The following SLC19A1 variants were observed in gnomAD, a reference collection of about 807,000 sequenced individuals.
SLC19A1 encodes the protein reduced folate transporter.
A neutral mutation model predicts 35.3 loss-of-function variants in SLC19A1; 37 were observed. The observed-to-expected ratio is 1.05, with a 90% CI of 0.81 to 1.38. The LOEUF is 1.38. Ranked by LOEUF, SLC19A1 falls within the 40% of genes most tolerant of loss-of-function variation. SLC19A1 has a pLI of 0.00. For synonymous variants in SLC19A1, 460 were observed against 398.5 expected (o/e 1.15, Z -1.84); for missense variants, 831 against 826.9 (o/e 1.00, Z -0.06).
At position 45,517,597 on chromosome 21, in the gene SLC19A1, G is replaced by C. The variant is rs1236250595; in HGVS notation, c.1294-1457C>G. On this transcript the variant is annotated intron_variant, in intron 5 of 5. Coordinates refer to ENST00000311124, the MANE Select transcript of SLC19A1 (RefSeq NM_194255.4). The surrounding 1 kb of genome is among the most constrained non-coding windows in gnomAD (Gnocchi z 4.4). ...CCCCCGAAGCCTCACGGAGTCAGCA[G>C]AGACCATATGGGGAGCCTGGCCTCT... Among the ~76,000 whole-genome samples, 1 of 152,158 alleles carries C rather than the reference G, an allele frequency of 6.6e-6. No homozygotes were observed. The highest frequency in any genetic ancestry group is 2.4e-5 in the African/African-American group (1 of 41,452).
At chr21:45,509,289 G>T, downstream of SLC19A1, 1 of 1,531,318 alleles carries the variant, frequency 6.5e-7, no homozygotes, top group South Asian at 1.2e-5. Context: ...CCCAGAGGAG[G>T]ACACAGATGG....
Position 45,513,546 on chromosome 21 carries a change from C to CCA in SLC19A1, c.*2111_*2112insTG, listed in dbSNP as rs78063943. The CCA allele has an allele frequency of 0.51, 77,518 of 152,004 alleles. 20,674 individuals are homozygous for CCA. Among genetic ancestry groups the CCA allele is most frequent in the African/African-American group, 0.68 (28,162 of 41,446 alleles). 9.4% of individuals were successfully genotyped at this position (152,004 alleles called of 1,614,324 possible). A position where few individuals can be genotyped will look rare whatever the true frequency, so the allele number is the denominator to read the frequency against. Reference sequence around the variant, plus strand: ...CCCCTGAGATCCGGCAACATCAACCCGAGTCATTCGTTCTGTGGAGGGACA... The same window carrying CCA: ...CCCCTGAGATCCGGCAACATCAACCCCAGAGTCATTCGTTCTGTGGAGGGACA... On this transcript the variant is annotated 3_prime_UTR_variant, in exon 6 of 6. Coordinates refer to ENST00000311124, the MANE Select transcript of SLC19A1 (RefSeq NM_194255.4).
At chr21:45,511,056 ACACCCAT>A, downstream of SLC19A1, 1 of 556,160 alleles carries the variant, frequency 1.8e-6, no homozygotes, top group African/African-American at 3.2e-5. Context: ...ACAAACACCC[ACACCCAT>A]CCACACCCCC....
chr21:45,562,827 A>G (rs2078627399), exon 1 of SLC19A1, among the ~76,000 whole-genome samples: 1 of 152,220 alleles, frequency 6.6e-6, no homozygotes, highest in Non-Finnish European at 1.5e-5. Context: ...TTTACGGTAG[A>G]TTCCAACAGT....
chr21:45,546,446 AGCCCCACTGGG>A (rs1468232924), upstream of SLC19A1, among the ~76,000 whole-genome samples: 1 of 152,158 alleles, frequency 6.6e-6, no homozygotes, highest in Non-Finnish European at 1.5e-5. Context: ...TTGAATTCTG[AGCCCCACTGGG>A]GCCCCGGACA....
In SLC19A1 at chr21:45,537,875, C is replaced by G; in HGVS notation, c.85G>C (p.Val29Leu). The G allele has an allele frequency of 6.2e-7, 1 of 1,604,882 alleles. No homozygotes were observed. The highest frequency in any genetic ancestry group is 8.5e-7 in the Non-Finnish European group (1 of 1,177,606). The change falls in exon 2 of 6, where the codon GTG becomes CTG. Residue 29 changes from valine to leucine, a missense_variant. Coordinates refer to ENST00000311124, the MANE Select transcript of SLC19A1 (RefSeq NM_194255.4). ...AAGCCGTAGAAGCAAAGGTAGCACACGAGGTGCCGCCAGGACCGGAGCTCG... is the reference window on the plus strand; with the variant it reads ...AAGCCGTAGAAGCAAAGGTAGCACAGGAGGTGCCGCCAGGACCGGAGCTCG... Reference protein sequence around the residue: ...DPELRSWRHLVCYLCFYGFMA... With the variant: ...DPELRSWRHLLCYLCFYGFMA...
upstream of SLC19A1, among the ~76,000 whole-genome samples, chr21:45,548,654 G>A (rs1476025672): frequency 1.3e-5 from 2 of 152,148 alleles, no homozygotes; most frequent in Non-Finnish European, 2.9e-5. Flanking sequence ...TGAGGCAGGA[G>A]AATTGCTTGA....
At chr21:45,529,074 G>A (rs936859928) in intron 4 of SLC19A1, among the ~76,000 whole-genome samples, 6 of 152,238 alleles carry the variant, frequency 3.9e-5, no homozygotes, top group South Asian at 2.1e-4. Flanking sequence ...GCAAGATCAC[G>A]CTGGGCCTTC....
At chr21:45,512,210 G>A (rs886057137), downstream of SLC19A1, 1 of 1,612,522 alleles carries the variant, frequency 6.2e-7, no homozygotes, top group Admixed American at 1.7e-5. Context: ...CGTGTGGCAT[G>A]GCTCGGACCC....
At chr21:45,555,187 GGGCGGCGGGGGC>G (rs1569031886) in intron 1 of SLC19A1, among the ~76,000 whole-genome samples, 4 of 41,608 alleles carry the variant, frequency 9.6e-5, no homozygotes, top group South Asian at 2.2e-3. Flanking sequence ...GCGGTGCAGG[GGGCGGCGGGGGC>G]GGCGCAGGGG....
chr21:45,557,812 C>T (rs2078578439), intron 1 of SLC19A1, among the ~76,000 whole-genome samples: 1 of 152,198 alleles, frequency 6.6e-6, no homozygotes, highest in African/African-American at 2.4e-5. Context: ...ACAGCACAGA[C>T]GCAGCCCAGA....
At chr21:45,509,219 C>A, downstream of SLC19A1, 4 of 1,225,694 alleles carry the variant, frequency 3.3e-6, no homozygotes, top group Non-Finnish European at 4.5e-6. Flanking sequence ...CCAGGGCAGC[C>A]CCAGAGTCGG....
intron 5 of SLC19A1, 82 bp downstream of exon 5, chr21:45,525,735 A>T: frequency 1.3e-6 from 2 of 1,510,726 alleles, no homozygotes; most frequent in Non-Finnish European, 1.8e-6. Context: ...TGGGCTCCAC[A>T]TCAGGCGGGC....
At chr21:45,504,177 C>A in intron 3 of SLC19A1, 1 of 1,196,984 alleles carries the variant, frequency 8.4e-7, no homozygotes, top group Non-Finnish European at 1.2e-6. Flanking sequence ...GCGAGGGGCG[C>A]TGGCTCCAGA....
chr21:45,515,238 T>TG lies in SLC19A1; in HGVS notation c.*419dup. On this transcript the variant is annotated 3_prime_UTR_variant, in exon 6 of 6. Transcript: ENST00000311124. ...AGCAATGTCACAGCTCAGCTACACC[T>TG]GAGGGTCCCGGCTCCCACCCTGCCC... is the stretch of plus-strand genomic sequence containing the variant. 2.0e-6 allele frequency: 3 copies of TG among 1,503,428 alleles called. No individual in the cohort carries two copies. Among genetic ancestry groups the TG allele is most frequent in the Non-Finnish European group, 2.6e-6 (3 of 1,137,868 alleles). 93.1% of individuals were successfully genotyped at this position (1,503,428 alleles called of 1,614,324 possible). A position where few individuals can be genotyped will look rare whatever the true frequency, so the allele number is the denominator to read the frequency against.
In SLC19A1 at chr21:45,535,756, C is replaced by CT. The variant is rs564603445; in HGVS notation, c.189+2014_189+2015insA. On this transcript the variant is annotated intron_variant, in intron 2 of 5. Coordinates refer to ENST00000311124, the MANE Select transcript of SLC19A1 (RefSeq NM_194255.4). ...GCCGGAATCCCCTAATCACCTCCAG[C>CT]AAAGCAGCAGATAAGCACCTTGTAG... is the stretch of plus-strand genomic sequence containing the variant. Among the ~76,000 whole-genome samples, 825 of 152,354 alleles carry CT rather than the reference C, an allele frequency of 5.4e-3. 8 individuals carry two copies. The highest frequency in any genetic ancestry group is 0.011 in the South Asian group (53 of 4,834).
At chr21:45,528,171 T>C (rs1055665817) in intron 4 of SLC19A1, among the ~76,000 whole-genome samples, 1 of 150,928 alleles carries the variant, frequency 6.6e-6, no homozygotes, top group South Asian at 2.1e-4. Flanking sequence ...GTCAGTGGGA[T>C]GAAGGGCAGA....
At chr21:45,542,552 C>T (rs901351070), upstream of SLC19A1, 9 of 151,110 alleles carry the variant, frequency 6.0e-5, no homozygotes, top group Non-Finnish European at 3.0e-5. Context: ...GCAGGAGCGT[C>T]CCCACGGGGC....
At chr21:45,550,049 G>A (rs1310238096) in intron 1 of SLC19A1, among the ~76,000 whole-genome samples, 7 of 152,078 alleles carry the variant, frequency 4.6e-5, no homozygotes, top group African/African-American at 1.4e-4. Context: ...TGGCACATGC[G>A]GATGTTGCAG....
Sources: allele counts gnomAD v4.1 joint callset (sites outside exome capture counted in the v4.1 genomes callset), GRCh38; gene constraint gnomAD v4.1.1; non-coding constraint Gnocchi (gnomAD v3.1); transcripts MANE v1.5; gene names NCBI Gene and HGNC (gene_info 2026-07-23, HGNC 2026-07-21).